The following GRID2 variants were observed in gnomAD, a reference collection of about 807,000 sequenced individuals.
GRID2 encodes the protein glutamate receptor ionotropic, delta-2.
In GRID2, 33 loss-of-function variants were observed where a neutral mutation model predicts 114.8. That is an observed-to-expected ratio of 0.29 (90% CI 0.22 to 0.38). The LOEUF (loss-of-function observed/expected upper bound fraction) is 0.38, where lower values mean the gene tolerates loss of function less well. Among genes scored for constraint, GRID2 ranks in the 10% least tolerant of loss-of-function variants. GRID2 has a pLI of 1.00. For synonymous variants in GRID2, 505 were observed against 449.9 expected (o/e 1.12, Z -1.55); for missense variants, 1,184 against 1,257.7 (o/e 0.94, Z 0.89).
At chr4:93,038,722 C>A (rs902719858) in intron 2 of GRID2, among the ~76,000 whole-genome samples, 1 of 151,764 alleles carries the variant, frequency 6.6e-6, no homozygotes, top group African/African-American at 2.4e-5. Flanking sequence ...ACCCAGGAGG[C>A]GGAGCTTAGA....
rs920214067 is a variant in GRID2, at chr4:93,804,312, G to A, written c.222-2403G>A. Among the ~76,000 whole-genome samples the A allele has an allele frequency of 7.2e-5, 11 of 152,180 alleles. No homozygotes were observed. The South Asian group carries it at 2.3e-3, about 32-fold the overall frequency. On this transcript the variant is annotated intron_variant, in intron 1 of 1. Coordinates refer to the GRID2 transcript ENST00000637838. ...AAAAATGAGTCATTAGGTGATTTTT[G>A]TCAAAATGTGAACATCACAGAGTGA...
chr4:93,067,932 T>A (rs1728452728), intron 2 of GRID2, among the ~76,000 whole-genome samples: 2 of 152,076 alleles, frequency 1.3e-5, no homozygotes, highest in Admixed American at 1.3e-4. Flanking sequence ...TATGCCTTTT[T>A]AAAATATTTC....
rs536913412 is a variant in GRID2, at chr4:93,549,655, C to T, written c.2193+34244C>T. Among the ~76,000 whole-genome samples, 73 of 152,222 alleles carry T rather than the reference C, an allele frequency of 4.8e-4. 1 individual carries two copies. The highest frequency in any genetic ancestry group is 1.0e-4 in the Non-Finnish European group (7 of 68,014). ...TGAGGATAAACATATCCATAAAATT[C>T]CACAGTATTTTATTCCTTCCAAGGC... is the stretch of plus-strand genomic sequence containing the variant. On this transcript the variant is annotated intron_variant, in intron 13 of 15. Transcript: ENST00000282020.
intron 8 of GRID2, among the ~76,000 whole-genome samples, chr4:93,242,946 GTCCTTAA>G (rs2149518885): frequency 6.6e-6 from 1 of 152,030 alleles, no homozygotes; most frequent in South Asian, 2.1e-4. Flanking sequence ...CATCTACTTT[GTCCTTAA>G]GTAATAACTC....
intron 2 of GRID2, among the ~76,000 whole-genome samples, chr4:92,976,769 A>G (rs943063734): frequency 6.6e-6 from 1 of 152,192 alleles, no homozygotes; most frequent in Admixed American, 6.5e-5. Context: ...TGGCTTCAGC[A>G]TAGCTGAGTG....
At chr4:92,988,317 C>T (rs1157139864) in intron 2 of GRID2, among the ~76,000 whole-genome samples, 1 of 152,148 alleles carries the variant, frequency 6.6e-6, no homozygotes, top group Non-Finnish European at 1.5e-5. Flanking sequence ...TGTACTAAGG[C>T]TTCAGTTCCT....
At chr4:93,236,656 C>A (rs779039793) in intron 7 of GRID2, among the ~76,000 whole-genome samples, 1 of 151,980 alleles carries the variant, frequency 6.6e-6, no homozygotes, top group Non-Finnish European at 1.5e-5. Flanking sequence ...ATTAGACCAA[C>A]CTTCACCCTC....
chr4:92,857,807 G>T (rs887754940), intron 2 of GRID2, among the ~76,000 whole-genome samples: 1 of 152,074 alleles, frequency 6.6e-6, no homozygotes, highest in African/African-American at 2.4e-5. Context: ...TGCTATCTAG[G>T]ACTTTCATAA....
At chr4:93,351,386 T>C (rs1218460669) in intron 8 of GRID2, among the ~76,000 whole-genome samples, 1 of 152,044 alleles carries the variant, frequency 6.6e-6, no homozygotes. Context: ...GATTTTATGA[T>C]TGAAATTGGT....
intron 13 of GRID2, among the ~76,000 whole-genome samples, chr4:93,619,231 T>C (rs1006121372): frequency 1.3e-5 from 2 of 152,232 alleles, no homozygotes; most frequent in Non-Finnish European, 1.5e-5. Context: ...CTTAAGTACT[T>C]AAACTTGAGT....
intron 2 of GRID2, among the ~76,000 whole-genome samples, chr4:92,769,443 G>A (rs1451568063): frequency 6.6e-6 from 1 of 152,124 alleles, no homozygotes; most frequent in Non-Finnish European, 1.5e-5. Flanking sequence ...GAGTATGGTA[G>A]CCCTCTTCTT....
chr4:92,533,484 C>CATAA (rs1725457282), intron 1 of GRID2, among the ~76,000 whole-genome samples: 2 of 149,762 alleles, frequency 1.3e-5, no homozygotes, highest in South Asian at 4.2e-4. Flanking sequence ...TACATACATA[C>CATAA]ACACACAGGG....
At chr4:93,176,291 A>G (rs1312202287) in intron 4 of GRID2, among the ~76,000 whole-genome samples, 3 of 152,178 alleles carry the variant, frequency 2.0e-5, no homozygotes, top group Admixed American at 2.0e-4. Flanking sequence ...TTTCCTCACC[A>G]ATCTCATTTT....
chr4:93,219,508 A>G (rs1744630756), intron 6 of GRID2, among the ~76,000 whole-genome samples: 1 of 152,140 alleles, frequency 6.6e-6, no homozygotes, highest in Admixed American at 6.6e-5. Flanking sequence ...AGGATTTGTT[A>G]CATGTGAACA....
At chr4:92,643,021 T>G (rs1731436161) in intron 2 of GRID2, among the ~76,000 whole-genome samples, 1 of 151,736 alleles carries the variant, frequency 6.6e-6, no homozygotes, top group South Asian at 2.1e-4. Context: ...AGTTTGACGT[T>G]AAGTAATGTG....
intron 3 of GRID2, among the ~76,000 whole-genome samples, chr4:93,108,799 T>C (rs936511142): frequency 4.0e-5 from 6 of 151,792 alleles, no homozygotes; most frequent in Non-Finnish European, 8.8e-5. Flanking sequence ...CCTGACTAAT[T>C]TTCGTATTTT....
chr4:93,163,034 A>G (rs1192462179), intron 4 of GRID2, among the ~76,000 whole-genome samples: 1 of 151,980 alleles, frequency 6.6e-6, no homozygotes, highest in Non-Finnish European at 1.5e-5. Flanking sequence ...ACTTTAAAAC[A>G]CACATCTTGG....
chr4:93,803,367 T>A (rs1734968680), intron 1 of GRID2, among the ~76,000 whole-genome samples: 1 of 152,106 alleles, frequency 6.6e-6, no homozygotes, highest in Non-Finnish European at 1.5e-5. Flanking sequence ...AAAGAAAAAT[T>A]AAGCACGAGT....
At chr4:93,120,750 G>A (rs533306894) in intron 4 of GRID2, among the ~76,000 whole-genome samples, 32 of 152,110 alleles carry the variant, frequency 2.1e-4, no homozygotes, top group African/African-American at 7.0e-4. Flanking sequence ...TCAGTAGATC[G>A]AGACCATCCT....
Sources: gnomAD v4.1 joint callset for allele counts (sites outside exome capture counted in the v4.1 genomes callset) on GRCh38, gnomAD v4.1.1 for gene constraint, MANE v1.5 for transcripts, NCBI Gene and HGNC (gene_info 2026-07-23, HGNC 2026-07-21) for gene names.